KCNQ1: variants seen among roughly 807,000 people sequenced by gnomAD.
KCNQ1 encodes the protein potassium voltage-gated channel subfamily KQT member 1.
In KCNQ1, 49 loss-of-function variants were observed where a neutral mutation model predicts 72.4. The observed-to-expected ratio is 0.68, with a 90% CI of 0.54 to 0.86. The LOEUF (loss-of-function observed/expected upper bound fraction) is 0.86. Ranked by LOEUF, KCNQ1 falls within the 40% of genes least tolerant of loss-of-function variation. The pLI is 0.00. For synonymous variants in KCNQ1, 450 were observed against 412.6 expected, an observed-to-expected ratio of 1.09 and a Z score of -1.10; for missense variants, 790 against 945.1, an observed-to-expected ratio of 0.84 and a Z score of 2.15.
chr11:2,642,614 G>C lies in KCNQ1; in HGVS notation c.1394-19347G>C. ...GTTATTTTGTTTCTTTTCAAAAACCGATTTTGCATTTCATTGATCCTTTAT... is the reference window on the plus strand; with the variant it reads ...GTTATTTTGTTTCTTTTCAAAAACCCATTTTGCATTTCATTGATCCTTTAT... On this transcript the variant is annotated intron_variant, in intron 10 of 15. Transcript: ENST00000155840. The surrounding 1 kb of genome is among the most constrained non-coding windows in gnomAD (Gnocchi z 4.3). The C allele has an allele frequency of 2.5e-6, 1 of 397,664 alleles. No homozygotes were observed. Among genetic ancestry groups the C allele is most frequent in the Admixed American group, 4.4e-5 (1 of 22,684 alleles). The allele number at this position is 397,664 out of a possible 1,614,324, so 24.6% of individuals were successfully genotyped here.
chr11:2,751,946 C>T (rs1403842442), intron 11 of KCNQ1, among the ~76,000 whole-genome samples: 2 of 152,212 alleles, frequency 1.3e-5, no homozygotes, highest in African/African-American at 2.4e-5. Context: ...CACGGCAAGA[C>T]GTTTCCTCAA....
Position 2,717,183 on chromosome 11 carries a change from C to T in KCNQ1, c.1515-51661C>T, listed in dbSNP as rs572314485. 2.0e-4 allele frequency among the ~76,000 whole-genome samples: 30 copies of T among 152,268 alleles called. 1 individual carries two copies. The highest frequency in any genetic ancestry group is 1.2e-3 in the Admixed American group (19 of 15,308). ...GGCAATTCCACTGATGGCTGCAGTGCGACACAGACTGGGCCTGGCATGGTG... is the reference window on the plus strand; with the variant it reads ...GGCAATTCCACTGATGGCTGCAGTGTGACACAGACTGGGCCTGGCATGGTG... On this transcript the variant is annotated intron_variant, in intron 11 of 15. Coordinates refer to ENST00000155840, the MANE Select transcript of KCNQ1 (RefSeq NM_000218.3).
chr11:2,649,009 C>G, intron 10 of KCNQ1: 1 of 260,798 alleles, frequency 3.8e-6, no homozygotes, highest in Non-Finnish European at 6.2e-6. Flanking sequence ...TTTTTTGACT[C>G]AGTATTTTTT....
At chr11:2,635,826 T>A (rs1247705339) in intron 10 of KCNQ1, 1 of 152,262 alleles carries the variant, frequency 6.6e-6, no homozygotes, top group African/African-American at 2.4e-5. Flanking sequence ...CATGGAATGT[T>A]CTTCCATTTG....
intron 10 of KCNQ1, chr11:2,660,386 T>G (rs572872504): frequency 2.5e-6 from 1 of 398,578 alleles, no homozygotes; most frequent in South Asian, 1.3e-4. Context: ...GGGAAAACCT[T>G]CCTTTTTTAT....
At chr11:2,610,533 C>G (rs1848962996) in intron 10 of KCNQ1, 1 of 398,190 alleles carries the variant, frequency 2.5e-6, no homozygotes, top group Admixed American at 4.4e-5. Context: ...TACCTCCTTG[C>G]TCTTTGCTTT....
intron 15 of KCNQ1, among the ~76,000 whole-genome samples, chr11:2,822,269 A>C (rs1362484778): frequency 6.6e-6 from 1 of 152,182 alleles, no homozygotes; most frequent in Non-Finnish European, 1.5e-5. Flanking sequence ...AAGATGTCAC[A>C]CACGTGTTGC....
chr11:2,810,398 G>A (rs1460372957), intron 15 of KCNQ1, among the ~76,000 whole-genome samples: 1 of 152,194 alleles, frequency 6.6e-6, no homozygotes, highest in East Asian at 1.9e-4. Flanking sequence ...TTCCTTTTAA[G>A]TCAGACTGAA....
intron 1 of KCNQ1, among the ~76,000 whole-genome samples, chr11:2,510,170 T>C (rs2133660395): frequency 6.6e-6 from 1 of 151,970 alleles, no homozygotes; most frequent in African/African-American, 2.4e-5. Context: ...TCCCAACTAC[T>C]CGGGAGGCTG....
At chr11:2,631,605 T>C (rs1564839253) in intron 10 of KCNQ1, 1 of 398,614 alleles carries the variant, frequency 2.5e-6, no homozygotes, top group Non-Finnish European at 4.4e-6. Flanking sequence ...CTGAAAATTA[T>C]TGTATTTCTC....
intron 15 of KCNQ1, among the ~76,000 whole-genome samples, chr11:2,843,422 G>C (rs1179190163): frequency 1.3e-5 from 2 of 152,230 alleles, no homozygotes; most frequent in East Asian, 3.9e-4. Context: ...TTTGCCCTGC[G>C]ACCCTACAGA....
At chr11:2,700,122 G>A (rs902078827) in intron 11 of KCNQ1, 2 of 397,266 alleles carry the variant, frequency 5.0e-6, no homozygotes, top group African/African-American at 2.1e-5. Context: ...GGCTGGGTGC[G>A]GAAAGTGATG....
At chr11:2,465,925 G>A (rs2133589056) in intron 1 of KCNQ1, among the ~76,000 whole-genome samples, 2 of 152,356 alleles carry the variant, frequency 1.3e-5, no homozygotes, top group East Asian at 3.9e-4. Flanking sequence ...TTGGTTCCTG[G>A]CTGCACCTGC....
intron 10 of KCNQ1, chr11:2,644,363 T>C (rs1849632983): frequency 5.0e-6 from 2 of 398,412 alleles, no homozygotes; most frequent in Non-Finnish European, 8.8e-6. Context: ...TGGTCTGTTA[T>C]TGAAGCTTTC....
At chr11:2,801,103 A>G (rs568199553) in intron 15 of KCNQ1, among the ~76,000 whole-genome samples, 4 of 152,258 alleles carry the variant, frequency 2.6e-5, no homozygotes, top group African/African-American at 9.6e-5. Flanking sequence ...CTGGTGGCCC[A>G]GACAGACTAG....
Position 2,588,975 on chromosome 11 carries a change from C to T in KCNQ1, c.1393+121C>T, listed in dbSNP as rs944489062. 6 of 1,194,736 alleles carry T rather than the reference C, an allele frequency of 5.0e-6. No individual in the cohort carries two copies. Among genetic ancestry groups the T allele is most frequent in the Admixed American group, 4.0e-5 (2 of 50,132 alleles). The allele number at this position is 1,194,736 out of a possible 1,614,324, so 74.0% of individuals were successfully genotyped here. A position where few individuals can be genotyped will look rare whatever the true frequency, so the allele number is the denominator to read the frequency against. Reference sequence around the variant, plus strand: ...GTGGTCTCTGACAACGAGGTATGAACAGACAGAGGGTGGAGCTTCTAGAAA... The same window carrying T: ...GTGGTCTCTGACAACGAGGTATGAATAGACAGAGGGTGGAGCTTCTAGAAA... On this transcript the variant is annotated intron_variant, in intron 10 of 15. Coordinates refer to ENST00000155840, the MANE Select transcript of KCNQ1 (RefSeq NM_000218.3). This position sits in a 1 kb window ranked among gnomAD's most constrained non-coding sequence, Gnocchi z 5.6.
In KCNQ1 at chr11:2,671,221, A is replaced by G; in HGVS notation, c.1514+9140A>G. Reference sequence around the variant, plus strand: ...ATAAAAGGTAGAGAGACAGAGGTAGACAGGAGTCCAGGTCTGACCTCAAAA... The same window carrying G: ...ATAAAAGGTAGAGAGACAGAGGTAGGCAGGAGTCCAGGTCTGACCTCAAAA... On this transcript the variant is annotated intron_variant, in intron 11 of 15. Coordinates refer to ENST00000155840, the MANE Select transcript of KCNQ1 (RefSeq NM_000218.3). The surrounding 1 kb of genome is among the most constrained non-coding windows in gnomAD (Gnocchi z 4.7). The G allele has an allele frequency of 2.5e-6, 1 of 398,616 alleles. No homozygotes were observed. The highest frequency in any genetic ancestry group is 3.6e-5 in the East Asian group (1 of 28,074). 24.7% of individuals were successfully genotyped at this position (398,616 alleles called of 1,614,324 possible).
intron 1 of KCNQ1, among the ~76,000 whole-genome samples, chr11:2,517,981 CCTAA>C (rs1168855850): frequency 6.6e-6 from 1 of 152,254 alleles, no homozygotes; most frequent in East Asian, 1.9e-4. Context: ...GTCTAAGGAG[CCTAA>C]CTCACTTCCA....
chr11:2,615,998 C>A (rs539833081), intron 10 of KCNQ1: 160 of 397,958 alleles, frequency 4.0e-4, no homozygotes, highest in Non-Finnish European at 6.5e-4. Context: ...GCATTTTCTT[C>A]ATTGGAAGGT....
Sources: gnomAD v4.1 joint callset for allele counts (sites outside exome capture counted in the v4.1 genomes callset) on GRCh38, gnomAD v4.1.1 for gene constraint, Gnocchi (gnomAD v3.1) non-coding constraint, MANE v1.5 for transcripts, NCBI Gene and HGNC (gene_info 2026-07-23, HGNC 2026-07-21) for gene names.